Variants in AOAH observed in about 807,000 individuals in gnomAD.
AOAH encodes the protein acyloxyacyl hydrolase, also known as acyloxyacyl hydrolase (neutrophil).
AOAH carries 64 observed loss-of-function variants against 92.2 expected under a neutral mutation model. The ratio of observed to expected loss-of-function variants is 0.69; its 90% confidence interval spans 0.57 to 0.86. The LOEUF (loss-of-function observed/expected upper bound fraction) is 0.86. AOAH is among the 40% of genes least tolerant of loss of function. The pLI is 0.00. For missense variants in AOAH, 656 were observed against 694.6 expected, an observed-to-expected ratio of 0.94 and a Z score of 0.62; for synonymous variants, 263 against 254.5, an observed-to-expected ratio of 1.03 and a Z score of -0.32.
intron 11 of AOAH, among the ~76,000 whole-genome samples, chr7:36,607,823 C>T (rs912349350): frequency 1.3e-5 from 2 of 152,120 alleles, no homozygotes; most frequent in East Asian, 1.9e-4. Context: ...GAGGTACAGT[C>T]GGGTGTGATT....
At chr7:36,624,991 C>T (rs1001689269) in intron 6 of AOAH, among the ~76,000 whole-genome samples, 4 of 152,140 alleles carry the variant, frequency 2.6e-5, no homozygotes, top group African/African-American at 9.7e-5. Flanking sequence ...CCTCCTTGCA[C>T]AGCTCTGTTT....
At chr7:36,643,738 C>T (rs977496569) in intron 4 of AOAH, among the ~76,000 whole-genome samples, 1 of 152,140 alleles carries the variant, frequency 6.6e-6, no homozygotes, top group African/African-American at 2.4e-5. Flanking sequence ...GTGATTGGAT[C>T]ATGGGGGTGG....
chr7:36,553,671 T>C (rs572811555), intron 13 of AOAH, among the ~76,000 whole-genome samples: 3 of 152,180 alleles, frequency 2.0e-5, no homozygotes, highest in South Asian at 2.1e-4. Flanking sequence ...TTTTTAATGA[T>C]CGCCATTCTA....
At chr7:36,677,756 T>C (rs1290927470) in intron 2 of AOAH, among the ~76,000 whole-genome samples, 1 of 152,166 alleles carries the variant, frequency 6.6e-6, no homozygotes, top group Admixed American at 6.5e-5. Context: ...TACGATGCAA[T>C]ATTATTCAGC....
intron 1 of AOAH, among the ~76,000 whole-genome samples, chr7:36,699,483 G>A (rs189645112): frequency 5.3e-5 from 8 of 151,922 alleles, no homozygotes; most frequent in Admixed American, 3.3e-4. Context: ...CTTTTTAACT[G>A]GGGGTGAGAT....
chr7:36,716,317 GA>G, intron 1 of AOAH, among the ~76,000 whole-genome samples: 1 of 151,480 alleles, frequency 6.6e-6, no homozygotes, highest in East Asian at 1.9e-4. Flanking sequence ...AAAAAGTCAG[GA>G]AACAACAGGT....
At chr7:36,607,844 G>A (rs1373857525) in intron 11 of AOAH, among the ~76,000 whole-genome samples, 2 of 152,142 alleles carry the variant, frequency 1.3e-5, no homozygotes, top group Admixed American at 6.5e-5. Flanking sequence ...GCCTCTAGCC[G>A]GGCAGATATC....
At position 36,534,181 on chromosome 7, in the gene AOAH, G is replaced by C. The variant is rs193099559; in HGVS notation, c.1307-1837C>G. Among the ~76,000 whole-genome samples, 103 of 152,100 alleles carry C rather than the reference G, an allele frequency of 6.8e-4. 1 individual carries two copies. In the East Asian group the frequency reaches 0.018, roughly 26 times the overall value. Reference sequence around the variant, plus strand: ...ACTTCATTGTTGGCTCCTCCTTGGGGATGAAGGCCCACCCTGGCCTTGCTC... The same window carrying C: ...ACTTCATTGTTGGCTCCTCCTTGGGCATGAAGGCCCACCCTGGCCTTGCTC... On this transcript the variant is annotated intron_variant, in intron 16 of 20. Transcript: ENST00000617537.
At position 36,620,807 on chromosome 7, in the gene AOAH, G is replaced by T; in HGVS notation, c.676C>A (p.Gln226Lys). The change falls in exon 9 of 21, where the codon CAG becomes AAG. Residue 226 changes from glutamine (Q) to lysine (K), a missense_variant. Transcript: ENST00000617537. ...GRRPNNWDVH[Q>K]DSNCNGIWGV... The stretch of plus-strand genomic sequence containing the variant: ...CAAATGCCATTACAGTTTGAATCCT[G>T]ATGGACATCCCAGTTGTTCGGCCTA... The T allele has an allele frequency of 6.2e-7, 1 of 1,613,974 alleles. No homozygotes were observed.
At chr7:36,617,208 G>A (rs780628686) in intron 10 of AOAH, among the ~76,000 whole-genome samples, 12 of 152,192 alleles carry the variant, frequency 7.9e-5, no homozygotes, top group Non-Finnish European at 1.8e-4. Context: ...TCCCCAGGCT[G>A]GGCTTCATGG....
At chr7:36,671,161 A>T (rs1345022016) in intron 3 of AOAH, among the ~76,000 whole-genome samples, 2 of 152,088 alleles carry the variant, frequency 1.3e-5, no homozygotes, top group African/African-American at 4.8e-5. Context: ...TACTGTTTTC[A>T]TACTTTTAAA....
At chr7:36,679,894 G>C (rs1796536510) in intron 2 of AOAH, among the ~76,000 whole-genome samples, 1 of 152,144 alleles carries the variant, frequency 6.6e-6, no homozygotes, top group Non-Finnish European at 1.5e-5. Context: ...TTGATCTTGT[G>C]ATCCGCCCGC....
intron 8 of AOAH, 79 bp downstream of exon 8, chr7:36,621,631 G>T: frequency 7.5e-7 from 1 of 1,335,130 alleles, no homozygotes; most frequent in Non-Finnish European, 1.1e-6. Context: ...GAATCCCCTA[G>T]GCTGGGGGAA....
At chr7:36,561,346 A>G (rs1002199016) in intron 13 of AOAH, among the ~76,000 whole-genome samples, 3 of 152,064 alleles carry the variant, frequency 2.0e-5, no homozygotes, top group African/African-American at 7.2e-5. Flanking sequence ...CCAGATGACA[A>G]TTTTAAGAGA....
intron 12 of AOAH, among the ~76,000 whole-genome samples, chr7:36,582,328 A>G (rs1788988712): frequency 1.3e-5 from 2 of 152,202 alleles, no homozygotes; most frequent in Non-Finnish European, 2.9e-5. Context: ...ACTTTGCCCA[A>G]TGCCTACAGA....
intron 1 of AOAH, among the ~76,000 whole-genome samples, chr7:36,708,518 C>A (rs895530417): frequency 1.3e-5 from 2 of 152,162 alleles, no homozygotes; most frequent in African/African-American, 2.4e-5. Flanking sequence ...CCCATAACAG[C>A]ACTTTGAAGT....
intron 11 of AOAH, 75 bp downstream of exon 11, chr7:36,616,304 TC>T (rs1791875286): frequency 4.2e-6 from 5 of 1,194,078 alleles, no homozygotes. Flanking sequence ...GGAGTTGGCA[TC>T]CCATTTAGAG....
At chr7:36,695,699 C>A (rs1562705660) in intron 1 of AOAH, among the ~76,000 whole-genome samples, 1 of 152,178 alleles carries the variant, frequency 6.6e-6, no homozygotes, top group South Asian at 2.1e-4. Flanking sequence ...TTAATTAAAA[C>A]AATCATTGCT....
intron 3 of AOAH, among the ~76,000 whole-genome samples, chr7:36,660,170 C>T (rs982699230): frequency 3.3e-5 from 5 of 152,224 alleles, no homozygotes; most frequent in African/African-American, 9.6e-5. Flanking sequence ...ACTGTCTTTT[C>T]GGACTCAGCC....
Sources: allele counts gnomAD v4.1 joint callset (sites outside exome capture counted in the v4.1 genomes callset), GRCh38; gene constraint gnomAD v4.1.1; transcripts MANE v1.5; gene names NCBI Gene and HGNC (gene_info 2026-07-23, HGNC 2026-07-21).